PAX2: variants seen among roughly 807,000 people sequenced by gnomAD.
PAX2 encodes paired box protein Pax-2.
A neutral mutation model predicts 41.7 loss-of-function variants in PAX2; 9 were observed. The ratio of observed to expected loss-of-function variants is 0.22; its 90% CI spans 0.13 to 0.38. The LOEUF (loss-of-function observed/expected upper bound fraction) is 0.38, where lower values mean the gene tolerates loss of function less well. Ranked by LOEUF, PAX2 falls within the 10% of genes least tolerant of loss-of-function variation. The pLI, the probability that PAX2 is intolerant of heterozygous loss-of-function variation, is 1.00. For synonymous variants in PAX2, 221 were observed against 212.7 expected (o/e 1.04, Z -0.34); for missense variants, 418 against 531.6 (o/e 0.79, Z 2.10).
At chr10:100,764,091 A>G (rs540941986) in intron 3 of PAX2, among the ~76,000 whole-genome samples, 2 of 146,918 alleles carry the variant, frequency 1.4e-5, no homozygotes, top group East Asian at 2.0e-4. Context: ...TTATGCGTCT[A>G]TTTCAGTGTG....
At position 100,748,389 on chromosome 10, in the gene PAX2, T is replaced by C. The variant is rs181151199; in HGVS notation, c.44-1357T>C. On this transcript the variant is annotated intron_variant, in intron 1 of 9. Coordinates refer to ENST00000355243, the MANE Select transcript of PAX2 (RefSeq NM_000278.5). This position sits in a 1 kb window ranked among gnomAD's most constrained non-coding sequence, Gnocchi z 5.0. ...TCTCTCCCAGCAACGCGATCAGAGG[T>C]CTTTCCCCAGGGTTTCACCGAGCTT... is the stretch of plus-strand genomic sequence containing the variant. 41 of 978,642 alleles carry C rather than the reference T, an allele frequency of 4.2e-5. No homozygotes were observed. The East Asian group carries it at 3.7e-3, about 89-fold the overall frequency. The allele number at this position is 978,642 out of a possible 1,614,324, so 60.6% of individuals were successfully genotyped here. A position where few individuals can be genotyped will look rare whatever the true frequency, so the allele number is the denominator to read the frequency against.
intron 5 of PAX2, among the ~76,000 whole-genome samples, chr10:100,796,347 T>C (rs910026042): frequency 2.0e-5 from 3 of 152,200 alleles, no homozygotes; most frequent in Non-Finnish European, 2.9e-5. Flanking sequence ...CATTACTTAA[T>C]ATAGGACCAT....
intron 5 of PAX2, among the ~76,000 whole-genome samples, chr10:100,786,623 C>T (rs926164957): frequency 3.3e-5 from 5 of 152,048 alleles, no homozygotes; most frequent in Admixed American, 6.5e-5. Flanking sequence ...GAGAGAGTGC[C>T]GGGTGTGACT....
At position 100,824,532 on chromosome 10, in the gene PAX2, C is replaced by A. The variant is rs889172152; in HGVS notation, c.920-116C>A. The A allele has an allele frequency of 3.7e-6, 3 of 808,030 alleles. No homozygotes were observed. The highest frequency in any genetic ancestry group is 3.3e-5 in the African/African-American group (2 of 59,862). The allele number at this position is 808,030 out of a possible 1,614,324, so 50.1% of individuals were successfully genotyped here. On this transcript the variant is annotated intron_variant, in intron 7 of 9. Coordinates refer to ENST00000355243, the MANE Select transcript of PAX2 (RefSeq NM_000278.5). The surrounding 1 kb of genome is among the most constrained non-coding windows in gnomAD (Gnocchi z 6.6). Reference sequence around the variant, plus strand: ...GCACAGTGGCACACATACCCCTGCACGTCTGCACAGAGCTCTTTCCTCTCC... The same window carrying A: ...GCACAGTGGCACACATACCCCTGCAAGTCTGCACAGAGCTCTTTCCTCTCC...
Position 100,749,002 on chromosome 10 carries a change from GTC to G in PAX2, c.44-740_44-739del, listed in dbSNP as rs1455154686. The G allele has an allele frequency of 4.1e-6, 4 of 985,318 alleles. No individual in the cohort carries two copies. The African/African-American group carries it at 5.2e-5, about 13-fold the overall frequency. The allele number at this position is 985,318 out of a possible 1,614,324, so 61.0% of individuals were successfully genotyped here. A position where few individuals can be genotyped will look rare whatever the true frequency, so the allele number is the denominator to read the frequency against. On this transcript the variant is annotated intron_variant, in intron 1 of 9. Coordinates refer to ENST00000355243, the MANE Select transcript of PAX2 (RefSeq NM_000278.5). ...CTGCCTGGAGCCGCTCTGCCTCCCTGTCTCTGAGCGCAGCAGACCCCGGGCCC... is the reference window on the plus strand; with the variant it reads ...CTGCCTGGAGCCGCTCTGCCTCCCTGTCTGAGCGCAGCAGACCCCGGGCCC...
chr10:100,737,308 T>A (rs1844804740), intron 1 of PAX2, among the ~76,000 whole-genome samples: 1 of 152,100 alleles, frequency 6.6e-6, no homozygotes, highest in South Asian at 2.1e-4. Flanking sequence ...TCAGGGTCCT[T>A]ATTCCAAATT....
intron 3 of PAX2, among the ~76,000 whole-genome samples, chr10:100,753,905 G>A (rs577236878): frequency 1.2e-4 from 19 of 152,340 alleles, no homozygotes; most frequent in African/African-American, 3.6e-4. Context: ...GGGTCAGGAA[G>A]GCCTCCCCAC....
rs1437354989 is a variant in PAX2, at chr10:100,827,508, C to T, written c.1109-35C>T. The T allele has an allele frequency of 1.2e-6, 2 of 1,606,040 alleles. No individual in the cohort carries two copies. Among genetic ancestry groups the T allele is most frequent in the Admixed American group, 1.7e-5 (1 of 60,024 alleles). On this transcript the variant is annotated intron_variant, in intron 9 of 9. Coordinates refer to ENST00000355243, the MANE Select transcript of PAX2 (RefSeq NM_000278.5). The surrounding 1 kb of genome is among the most constrained non-coding windows in gnomAD (Gnocchi z 8.5). ...TTTTTTGTTCTCCTGTTTGTCCTCT[C>T]ACCCAGCCCATTCTTCTCCTGTGTT...
At position 100,809,161 on chromosome 10, in the gene PAX2, T is replaced by C. The variant is rs1291500240; in HGVS notation, c.844T>C (p.Ser282Pro). 6.2e-7 allele frequency: 1 copy of C among 1,613,158 alleles called. No homozygotes were observed. The highest frequency in any genetic ancestry group is 1.7e-5 in the Admixed American group (1 of 60,010). ...ALTPGLDEVK[S>P]SLSASTNPEL... ...GACCCCTGGGCTTGATGAAGTCAAG[T>C]CGAGTCTATCTGCATCCACCAACCC... is the stretch of plus-strand genomic sequence containing the variant. The change falls in exon 7 of 10, where the codon TCG becomes CCG. Residue 282 changes from serine to proline, a missense_variant. By Grantham distance (74) the Ser-to-Pro change is moderately conservative (BLOSUM62 -1). Around this residue, in one of 2 missense-constraint regions of PAX2, gnomAD observed 310 missense variants for 325.2 expected, o/e 0.95. Transcript: ENST00000355243.
At position 100,748,661 on chromosome 10, in the gene PAX2, C is replaced by A; in HGVS notation, c.44-1085C>A. Reference sequence around the variant, plus strand: ...AGGGAGAATGGGGCACAGGAAGCACCCTCAGGCCTGGCACCCAGTGGCCGC... The same window carrying A: ...AGGGAGAATGGGGCACAGGAAGCACACTCAGGCCTGGCACCCAGTGGCCGC... On this transcript the variant is annotated intron_variant, in intron 1 of 9. Transcript: ENST00000355243. The surrounding 1 kb of genome is among the most constrained non-coding windows in gnomAD (Gnocchi z 5.0). 3 of 985,432 alleles carry A rather than the reference C, an allele frequency of 3.0e-6. No individual in the cohort carries two copies. The highest frequency in any genetic ancestry group is 3.6e-6 in the Non-Finnish European group (3 of 829,918). 61.0% of individuals were successfully genotyped at this position (985,432 alleles called of 1,614,324 possible).
chr10:100,807,518 T>C (rs936367278), intron 6 of PAX2, among the ~76,000 whole-genome samples: 1 of 151,942 alleles, frequency 6.6e-6, no homozygotes, highest in Non-Finnish European at 1.5e-5. Context: ...CCCACGGTAC[T>C]GTGCTCACAC....
Position 100,745,693 on chromosome 10 carries a change from GCCTGCCTTTTCC to G in PAX2, c.-567_-556del. ...CGGCCCTTCGGCCGCGGCGGCGTGCGCCTGCCTTTTCCGGGGGCGGGGGCCTGGCCCGCGCGC... is the reference window on the plus strand; with the variant it reads ...CGGCCCTTCGGCCGCGGCGGCGTGCGGGGGGCGGGGGCCTGGCCCGCGCGC... On this transcript the variant is annotated 5_prime_UTR_variant, in exon 1 of 10. Transcript: ENST00000355243. 2 of 956,162 alleles carry G rather than the reference GCCTGCCTTTTCC, an allele frequency of 2.1e-6. No homozygotes were observed. Among genetic ancestry groups the G allele is most frequent in the Non-Finnish European group, 1.3e-6 (1 of 792,038 alleles). The allele number at this position is 956,162 out of a possible 1,614,324, so 59.2% of individuals were successfully genotyped here. A position where few individuals can be genotyped will look rare whatever the true frequency, so the allele number is the denominator to read the frequency against.
chr10:100,769,674 A>AAAATAAAAT (rs1564717092), intron 3 of PAX2, among the ~76,000 whole-genome samples: 2 of 133,990 alleles, frequency 1.5e-5, no homozygotes, highest in African/African-American at 2.8e-5. Flanking sequence ...TAAAATAAAA[A>AAAATAAAAT]AATAAAAAAC....
chr10:100,761,437 A>C (rs951168730), intron 3 of PAX2, among the ~76,000 whole-genome samples: 1 of 152,192 alleles, frequency 6.6e-6, no homozygotes, highest in Non-Finnish European at 1.5e-5. Context: ...GACAGCCAGG[A>C]AGGCCATGCA....
chr10:100,794,954 A>C (rs1003456526), intron 5 of PAX2, among the ~76,000 whole-genome samples: 1 of 152,188 alleles, frequency 6.6e-6, no homozygotes, highest in South Asian at 2.1e-4. Flanking sequence ...GATTAAGGTC[A>C]TAAGGATGTC....
At chr10:100,825,031 C>T (rs181580162) in intron 8 of PAX2, 1,087 of 1,469,208 alleles carry the variant, frequency 7.4e-4, no homozygotes, top group East Asian at 2.3e-3. Flanking sequence ...AGTCTGTGCC[C>T]GAGGAGCACT....
chr10:100,751,600 A>G (rs1845446287), intron 3 of PAX2, among the ~76,000 whole-genome samples: 1 of 152,166 alleles, frequency 6.6e-6, no homozygotes, highest in South Asian at 2.1e-4. Flanking sequence ...AGGCTCACAC[A>G]CGTGAGGACA....
At chr10:100,802,437 G>T (rs140944585) in intron 5 of PAX2, among the ~76,000 whole-genome samples, 1 of 152,232 alleles carries the variant, frequency 6.6e-6, no homozygotes, top group Non-Finnish European at 1.5e-5. Context: ...GGGCAGGATG[G>T]TGTTGCTGAG....
chr10:100,749,604 G>A (rs780563663), intron 1 of PAX2, 142 bp from the exon 2 acceptor site: 3 of 1,447,412 alleles, frequency 2.1e-6, no homozygotes, highest in Non-Finnish European at 2.7e-6. Flanking sequence ...GGTCGTGGAG[G>A]TCCACCACCT....
Sources: gnomAD v4.1 joint callset for allele counts (sites outside exome capture counted in the v4.1 genomes callset) on GRCh38, gnomAD v4.1.1 for gene constraint, gnomAD v4.1.1 regional missense constraint, Gnocchi (gnomAD v3.1) non-coding constraint, MANE v1.5 for transcripts, NCBI Gene and HGNC (gene_info 2026-07-23, HGNC 2026-07-21) for gene names.